Variants in RSPO3 observed in about 807,000 individuals in gnomAD.
RSPO3 encodes the protein R-spondin 3.
A neutral mutation model predicts 36.5 loss-of-function variants in RSPO3; 17 were observed. The ratio of observed to expected loss-of-function variants is 0.47; its 90% CI spans 0.32 to 0.70. The LOEUF (loss-of-function observed/expected upper bound fraction) is 0.70, where lower values mean the gene tolerates loss of function less well. RSPO3 is among the 30% of genes least tolerant of loss of function. The probability of loss-of-function intolerance (pLI) is 0.04; values close to 1 mark genes in which losing one functional copy is unlikely to be tolerated. For missense variants in RSPO3, 294 were observed against 322.5 expected (o/e 0.91, Z 0.68); for synonymous variants, 108 against 107.0 (o/e 1.01, Z -0.06).
At chr6:127,148,159 A>G (rs1008845501) in intron 1 of RSPO3, among the ~76,000 whole-genome samples, 1 of 152,066 alleles carries the variant, frequency 6.6e-6, no homozygotes, top group Admixed American at 6.6e-5. Flanking sequence ...AATGTACATT[A>G]TTTTACTTAC....
Position 127,148,735 on chromosome 6 carries a change from T to A in RSPO3, c.185T>A (p.Phe62Tyr). 3 of 1,613,308 alleles carry A rather than the reference T, an allele frequency of 1.9e-6. No homozygotes were observed. The highest frequency in any genetic ancestry group is 2.5e-6 in the Non-Finnish European group (3 of 1,179,438). ...NGCLSCKPRL[F>Y]FALERIGMKQ... is the part of the protein sequence containing the mutation. ...TGTTTGTCATGTAAGCCCAGACTAT[T>A]TTTTGCTCTGGAAAGAATTGGCATG... is the stretch of plus-strand genomic sequence containing the variant. The change falls in exon 2 of 5, where the codon TTT becomes TAT. Residue 62 changes from phenylalanine to tyrosine, a missense_variant. Phe to Tyr is a conservative substitution (Grantham distance 22). Around this residue, in one of 3 missense-constraint regions of RSPO3, gnomAD observed 43 missense variants for 86.0 expected, o/e 0.50. Coordinates refer to ENST00000356698, the MANE Select transcript of RSPO3 (RefSeq NM_032784.5).
chr6:127,176,972 C>G (rs1206830390), intron 4 of RSPO3, among the ~76,000 whole-genome samples: 1 of 151,696 alleles, frequency 6.6e-6, no homozygotes, highest in South Asian at 2.1e-4. Flanking sequence ...GTGTTTTAAA[C>G]CAAGAATAAT....
intron 3 of RSPO3, 49 bp downstream of exon 3, chr6:127,150,621 T>A (rs572356567): frequency 6.5e-7 from 1 of 1,544,278 alleles, no homozygotes; most frequent in African/African-American, 1.4e-5. Flanking sequence ...TCAGTCTCCA[T>A]GGAGGTGCTT....
chr6:127,145,680 T>G (rs1274753403), intron 1 of RSPO3, among the ~76,000 whole-genome samples: 4 of 151,974 alleles, frequency 2.6e-5, no homozygotes, highest in African/African-American at 9.7e-5. Context: ...TTTCTAAGAT[T>G]AAGTTCAAAC....
At chr6:127,122,986 T>A (rs908467552) in intron 1 of RSPO3, among the ~76,000 whole-genome samples, 2 of 152,120 alleles carry the variant, frequency 1.3e-5, no homozygotes, top group Non-Finnish European at 2.9e-5. Flanking sequence ...AGCCATTATA[T>A]GCATAATAAT....
chr6:127,185,157 C>A (rs1214186978), intron 4 of RSPO3, among the ~76,000 whole-genome samples: 1 of 151,982 alleles, frequency 6.6e-6, no homozygotes, highest in African/African-American at 2.4e-5. Context: ...TATTCCCCTC[C>A]AAGTCCTATA....
chr6:127,193,323 G>A (rs1448850778), intron 4 of RSPO3, among the ~76,000 whole-genome samples: 2 of 152,260 alleles, frequency 1.3e-5, no homozygotes, highest in South Asian at 2.1e-4. Flanking sequence ...GTCACAAGTG[G>A]CTAAAAAACA....
chr6:127,150,547 C>G lies in RSPO3; in HGVS notation c.411C>G (p.Asn137Lys). Reference sequence around the variant, plus strand: ...GCCCAGAAGGGTTGGAAGCCAACAACCATACTATGGAGTGTGTCAGTATTG... The same window carrying G: ...GCCCAGAAGGGTTGGAAGCCAACAAGCATACTATGGAGTGTGTCAGTATTG... ...DNCPEGLEAN[N>K]HTMECVSIVH... is the part of the protein sequence containing the mutation. Residue 137 changes from asparagine (N) to lysine (K), a missense_variant, in exon 3 of 5, where the codon AAC (asparagine) becomes AAG (lysine). Around this residue, in one of 3 missense-constraint regions of RSPO3, gnomAD observed 190 missense variants for 185.2 expected, o/e 1.03. Transcript: ENST00000356698. The G allele has an allele frequency of 6.2e-7, 1 of 1,611,504 alleles. No homozygotes were observed. The highest frequency in any genetic ancestry group is 8.5e-7 in the Non-Finnish European group (1 of 1,178,654).
chr6:127,158,726 C>T (rs1178466663), intron 4 of RSPO3, among the ~76,000 whole-genome samples: 2 of 151,962 alleles, frequency 1.3e-5, no homozygotes, highest in African/African-American at 4.8e-5. Flanking sequence ...AATAAGTTAA[C>T]CCAAGGAGAT....
intron 3 of RSPO3, among the ~76,000 whole-genome samples, chr6:127,153,827 G>T (rs1009831411): frequency 2.0e-5 from 3 of 151,864 alleles, no homozygotes; most frequent in African/African-American, 7.3e-5. Flanking sequence ...GTAATCCTAA[G>T]GATACACTAC....
intron 4 of RSPO3, among the ~76,000 whole-genome samples, chr6:127,170,456 T>C (rs377060962): frequency 8.7e-6 from 1 of 115,576 alleles, no homozygotes; most frequent in Admixed American, 8.7e-5. Flanking sequence ...CACACACAAA[T>C]ATACATATAT....
chr6:127,184,775 T>G (rs1775257318), intron 4 of RSPO3, among the ~76,000 whole-genome samples: 1 of 151,926 alleles, frequency 6.6e-6, no homozygotes, highest in Non-Finnish European at 1.5e-5. Flanking sequence ...AAAGAGCTCT[T>G]GTGAAAGGAT....
intron 1 of RSPO3, among the ~76,000 whole-genome samples, chr6:127,133,617 G>T (rs1774098094): frequency 6.6e-6 from 1 of 151,658 alleles, no homozygotes; most frequent in Admixed American, 6.6e-5. Flanking sequence ...TTAGATAGTT[G>T]CCCGTCCAAA....
intron 4 of RSPO3, among the ~76,000 whole-genome samples, chr6:127,181,617 G>A (rs1444906111): frequency 6.6e-6 from 1 of 151,826 alleles, no homozygotes; most frequent in Non-Finnish European, 1.5e-5. Flanking sequence ...GGATCCAAAA[G>A]TGTGCTTGAT....
chr6:127,154,697 A>G (rs1206900843), intron 3 of RSPO3, among the ~76,000 whole-genome samples: 3 of 152,202 alleles, frequency 2.0e-5, no homozygotes, highest in Admixed American at 1.3e-4. Context: ...AGGAGTTCCC[A>G]GTACCTGCAA....
chr6:127,147,433 A>G (rs765572020), intron 1 of RSPO3, among the ~76,000 whole-genome samples: 2 of 152,174 alleles, frequency 1.3e-5, no homozygotes, highest in East Asian at 3.9e-4. Flanking sequence ...ATTCCTGTGC[A>G]TCAATCTTTC....
chr6:127,123,222 A>G (rs952623918), intron 1 of RSPO3, among the ~76,000 whole-genome samples: 1 of 152,164 alleles, frequency 6.6e-6, no homozygotes, highest in Non-Finnish European at 1.5e-5. Flanking sequence ...GAAAATAACA[A>G]GTTAACTGAT....
intron 1 of RSPO3, among the ~76,000 whole-genome samples, chr6:127,121,632 T>A (rs1773848006): frequency 6.6e-6 from 1 of 152,122 alleles, no homozygotes; most frequent in Non-Finnish European, 1.5e-5. Flanking sequence ...CAGTATGACT[T>A]AAGGAGGAAG....
At chr6:127,147,499 C>T (rs1175004619) in intron 1 of RSPO3, among the ~76,000 whole-genome samples, 3 of 151,980 alleles carry the variant, frequency 2.0e-5, no homozygotes, top group Non-Finnish European at 4.4e-5. Flanking sequence ...GACAATAAAG[C>T]TATTAGCAAT....
Sources: gnomAD v4.1 joint callset for allele counts (sites outside exome capture counted in the v4.1 genomes callset) on GRCh38, gnomAD v4.1.1 for gene constraint, gnomAD v4.1.1 regional missense constraint, MANE v1.5 for transcripts, NCBI Gene and HGNC (gene_info 2026-07-23, HGNC 2026-07-21) for gene names.